Variants in MICU2 observed in about 807,000 individuals in gnomAD.
The protein encoded by MICU2 is calcium uptake protein 2, mitochondrial.
In MICU2, 64 loss-of-function variants were observed where a neutral mutation model predicts 60.4. The ratio of observed to expected loss-of-function variants is 1.06; its 90% CI spans 0.87 to 1.31. The LOEUF is 1.31. MICU2 is among the 50% of genes most tolerant of loss of function. MICU2 has a pLI of 0.00. For synonymous variants in MICU2, 201 were observed against 175.0 expected, an observed-to-expected ratio of 1.15 and a Z score of -1.17; for missense variants, 569 against 531.0, an observed-to-expected ratio of 1.07 and a Z score of -0.70.
intron 2 of MICU2, among the ~76,000 whole-genome samples, chr13:21,547,735 C>T (rs534943204): frequency 2.1e-4 from 26 of 123,356 alleles, no homozygotes; most frequent in Non-Finnish European, 3.1e-4. Flanking sequence ...GACCCTGATG[C>T]GGTTAACAGA....
chr13:21,598,988 G>A (rs535588146), intron 1 of MICU2, among the ~76,000 whole-genome samples: 1 of 152,108 alleles, frequency 6.6e-6, no homozygotes, highest in Non-Finnish European at 1.5e-5. Context: ...TACCACCTGA[G>A]CTCCACCTCC....
At chr13:21,527,819 T>C (rs1886894013) in intron 4 of MICU2, among the ~76,000 whole-genome samples, 1 of 152,200 alleles carries the variant, frequency 6.6e-6, no homozygotes, top group Non-Finnish European at 1.5e-5. Context: ...ACCAATATGT[T>C]GTCCTTGTAA....
intron 9 of MICU2, among the ~76,000 whole-genome samples, chr13:21,501,545 A>G (rs1021731766): frequency 2.0e-5 from 3 of 152,230 alleles, no homozygotes; most frequent in African/African-American, 4.8e-5. Flanking sequence ...TACAGGCGTG[A>G]TCATATAAAG....
intron 6 of MICU2, among the ~76,000 whole-genome samples, chr13:21,517,186 A>C (rs1407337316): frequency 1.3e-5 from 2 of 152,228 alleles, no homozygotes; most frequent in African/African-American, 2.4e-5. Context: ...GAATATTTAC[A>C]AAACACAAAA....
intron 4 of MICU2, among the ~76,000 whole-genome samples, chr13:21,538,261 C>T (rs781742132): frequency 2.0e-5 from 3 of 151,628 alleles, no homozygotes; most frequent in Non-Finnish European, 4.4e-5. Context: ...TTCAACCAAC[C>T]GTGTATCAAA....
intron 9 of MICU2, among the ~76,000 whole-genome samples, chr13:21,498,077 A>C (rs1886046145): frequency 6.6e-6 from 1 of 151,990 alleles, no homozygotes; most frequent in African/African-American, 2.4e-5. Flanking sequence ...TTTGAAAGTA[A>C]ATTCTTCCCT....
chr13:21,563,675 A>C (rs1035711911), intron 2 of MICU2, among the ~76,000 whole-genome samples: 4 of 151,744 alleles, frequency 2.6e-5, no homozygotes, highest in Non-Finnish European at 5.9e-5. Flanking sequence ...ACTGACTCAC[A>C]GTTTTTGAAT....
intron 2 of MICU2, among the ~76,000 whole-genome samples, chr13:21,545,835 A>G (rs1294338021): frequency 3.0e-5 from 4 of 133,480 alleles, no homozygotes; most frequent in East Asian, 2.2e-4. Flanking sequence ...ATACCACTGT[A>G]AGATAACTAC....
chr13:21,589,297 TG>T (rs1305069307), intron 1 of MICU2, among the ~76,000 whole-genome samples: 2 of 152,222 alleles, frequency 1.3e-5, no homozygotes, highest in Non-Finnish European at 2.9e-5. Context: ...ACAGCCGTAA[TG>T]GGTGTACTTA....
intron 7 of MICU2, among the ~76,000 whole-genome samples, chr13:21,510,845 T>A (rs1183391492): frequency 6.8e-6 from 1 of 146,704 alleles, no homozygotes; most frequent in East Asian, 1.9e-4. Flanking sequence ...ATTAATTCAT[T>A]TAATGAATTC....
At chr13:21,517,797 ACACGCGCG>A (rs1285419624) in intron 6 of MICU2, among the ~76,000 whole-genome samples, 57 of 90,182 alleles carry the variant, frequency 6.3e-4, no homozygotes, top group African/African-American at 1.9e-3. Context: ...ACACACACAC[ACACGCGCG>A]CGCGCGCGCA....
chr13:21,521,394 T>G (rs1886714405), intron 5 of MICU2, 67 bp from the exon 6 acceptor site: 1 of 1,312,182 alleles, frequency 7.6e-7, no homozygotes, highest in Non-Finnish European at 1.1e-6. Flanking sequence ...GATAGATAGG[T>G]CTTCAAATTT....
chr13:21,584,233 C>T (rs1888410852), intron 1 of MICU2, among the ~76,000 whole-genome samples: 1 of 151,652 alleles, frequency 6.6e-6, no homozygotes, highest in South Asian at 2.1e-4. Flanking sequence ...ACTAAAAATA[C>T]AAAAAATTAG....
intron 4 of MICU2, among the ~76,000 whole-genome samples, chr13:21,525,181 A>ATTTTTTTTTTTTTTTTTTTTTTTTTTTT (rs71093324): frequency 1.2e-5 from 1 of 83,306 alleles, no homozygotes; most frequent in African/African-American, 5.2e-5. Flanking sequence ...GTGTAATTCA[A>ATTTTTTTTTTTTTTTTTTTTTTTTTTTT]TTTTTTTTTT....
intron 7 of MICU2, among the ~76,000 whole-genome samples, chr13:21,512,317 T>C (rs905050398): frequency 2.0e-5 from 3 of 152,258 alleles, no homozygotes. Context: ...GTGGTTAAAT[T>C]GTAAGAAGAG....
chr13:21,496,047 C>T lies in MICU2; in HGVS notation c.1042+5G>A, dbSNP rs776024563. ...AAAAATTAAATGGTTTTTCATATAA[C>T]TTACCTAGTCTGACAGGACGATGAG... On this transcript the variant is annotated splice_donor_5th_base_variant and intron_variant, in intron 10 of 11. Coordinates refer to ENST00000382374, the MANE Select transcript of MICU2 (RefSeq NM_152726.3). 7 of 1,599,566 alleles carry T rather than the reference C, an allele frequency of 4.4e-6. No homozygotes were observed. The highest frequency in any genetic ancestry group is 4.3e-6 in the Non-Finnish European group (5 of 1,170,690).
intron 2 of MICU2, among the ~76,000 whole-genome samples, chr13:21,565,788 A>G (rs991011046): frequency 1.3e-5 from 2 of 151,890 alleles, no homozygotes; most frequent in African/African-American, 2.4e-5. Flanking sequence ...AGCTGAGATC[A>G]TGCCATTGCA....
At chr13:21,592,000 A>T (rs1593359780) in intron 1 of MICU2, among the ~76,000 whole-genome samples, 1 of 152,288 alleles carries the variant, frequency 6.6e-6, no homozygotes, top group African/African-American at 2.4e-5. Flanking sequence ...GATGACAAGA[A>T]ATAACTAATA....
intron 4 of MICU2, among the ~76,000 whole-genome samples, chr13:21,527,911 A>G (rs1031406865): frequency 6.6e-6 from 1 of 152,210 alleles, no homozygotes; most frequent in African/African-American, 2.4e-5. Flanking sequence ...TCTGTCAGTT[A>G]CAATGCTTAT....
Sources: allele counts gnomAD v4.1 joint callset (sites outside exome capture counted in the v4.1 genomes callset), GRCh38; gene constraint gnomAD v4.1.1; transcripts MANE v1.5; gene names NCBI Gene and HGNC (gene_info 2026-07-23, HGNC 2026-07-21).